KSR2: variants seen among roughly 807,000 people sequenced by gnomAD.
The protein encoded by KSR2 is kinase suppressor of ras 2.
A neutral mutation model predicts 107.8 loss-of-function variants in KSR2; 25 were observed. The ratio of observed to expected loss-of-function variants is 0.23; its 90% CI spans 0.17 to 0.32. The LOEUF (loss-of-function observed/expected upper bound fraction) is 0.32. Among genes scored for constraint, KSR2 ranks in the 10% least tolerant of loss-of-function variants. KSR2 has a pLI of 1.00. For synonymous variants in KSR2, 480 were observed against 507.0 expected (o/e 0.95, Z 0.71); for missense variants, 887 against 1,268.9 (o/e 0.70, Z 4.57).
intron 13 of KSR2, among the ~76,000 whole-genome samples, chr12:117,526,795 G>T (rs141164818): frequency 6.6e-6 from 1 of 152,160 alleles, no homozygotes; most frequent in Non-Finnish European, 1.5e-5. Context: ...GTATTCACCC[G>T]GCCCTGAGCT....
intron 14 of KSR2, among the ~76,000 whole-genome samples, chr12:117,487,951 C>G (rs1039602054): frequency 1.3e-5 from 2 of 152,182 alleles, no homozygotes; most frequent in Admixed American, 1.3e-4. Context: ...CCACCCAAAT[C>G]TCACCTTGAA....
At position 117,858,155 on chromosome 12, in the gene KSR2, A is replaced by C. The variant is rs553167860; in HGVS notation, c.321+2136T>G. 1.4e-3 allele frequency among the ~76,000 whole-genome samples: 212 copies of C among 152,306 alleles called. 1 individual carries two copies. The highest frequency in any genetic ancestry group is 5.0e-3 in the African/African-American group (207 of 41,566). On this transcript the variant is annotated intron_variant, in intron 2 of 19. Transcript: ENST00000339824. ...AAAATAAATGTCCTGACATCATATT[A>C]ACCAAACAACAACAACATGTCTGCA...
chr12:117,746,009 A>T (rs1888393194), intron 4 of KSR2, among the ~76,000 whole-genome samples: 1 of 152,210 alleles, frequency 6.6e-6, no homozygotes, highest in African/African-American at 2.4e-5. Flanking sequence ...TTACTGCCCA[A>T]AGTAATTTAT....
Position 117,761,503 on chromosome 12 carries a change from T to C in KSR2, c.494A>G (p.Asp165Gly). The change falls in exon 4 of 20, where the codon GAC becomes GGC. Residue 165 changes from aspartate to glycine, a missense_variant. Physicochemically the swap from Asp to Gly is moderately conservative, Grantham distance 94. Transcript: ENST00000339824. ...HMSGGNLSKQ[D>G]WTIQWPTTET... ...TGTCGTGGGCCACTGGATGGTCCAG[T>C]CTTGTTTGGAAAGGTTGCCTCCTGA... is the stretch of plus-strand genomic sequence containing the variant. The C allele has an allele frequency of 6.2e-7, 1 of 1,613,480 alleles. No homozygotes were observed. Among genetic ancestry groups the C allele is most frequent in the South Asian group, 1.1e-5 (1 of 91,072 alleles).
At chr12:117,789,120 AG>A (rs1363278696) in intron 3 of KSR2, among the ~76,000 whole-genome samples, 2 of 152,232 alleles carry the variant, frequency 1.3e-5, no homozygotes, top group East Asian at 3.8e-4. Flanking sequence ...AAGAACGTTC[AG>A]GGTTTGAAAA....
intron 3 of KSR2, among the ~76,000 whole-genome samples, chr12:117,805,432 G>A (rs954901455): frequency 2.0e-5 from 3 of 152,156 alleles, no homozygotes; most frequent in Admixed American, 6.5e-5. Context: ...GCCTGCCTCT[G>A]AGCCTCAGTT....
intron 5 of KSR2, among the ~76,000 whole-genome samples, chr12:117,583,979 A>T (rs1879847800): frequency 6.6e-6 from 1 of 152,170 alleles, no homozygotes; most frequent in Non-Finnish European, 1.5e-5. Flanking sequence ...CAGAGCATTT[A>T]ACCCCCAACC....
intron 3 of KSR2, among the ~76,000 whole-genome samples, chr12:117,844,093 G>C (rs1892608205): frequency 6.6e-6 from 1 of 152,086 alleles, no homozygotes; most frequent in Non-Finnish European, 1.5e-5. Context: ...TACTGTTCCA[G>C]AACTAGCAGC....
chr12:117,914,181 T>C (rs1593364654), intron 1 of KSR2, among the ~76,000 whole-genome samples: 1 of 152,074 alleles, frequency 6.6e-6, no homozygotes, highest in Non-Finnish European at 1.5e-5. Flanking sequence ...GTAATCCCAC[T>C]ACTTTGTGGG....
At chr12:117,766,911 T>G (rs908765939) in intron 3 of KSR2, among the ~76,000 whole-genome samples, 1 of 150,942 alleles carries the variant, frequency 6.6e-6, no homozygotes, top group Non-Finnish European at 1.5e-5. Flanking sequence ...TGAGACAGAG[T>G]CTTGCTCTGT....
chr12:117,847,980 G>A (rs533566855), intron 3 of KSR2, among the ~76,000 whole-genome samples: 1 of 152,172 alleles, frequency 6.6e-6, no homozygotes, highest in African/African-American at 2.4e-5. Flanking sequence ...AGGAGGGAAG[G>A]GTAGAAAAGA....
intron 5 of KSR2, among the ~76,000 whole-genome samples, chr12:117,665,934 C>T (rs1310112996): frequency 6.6e-6 from 1 of 152,234 alleles, no homozygotes; most frequent in Non-Finnish European, 1.5e-5. Context: ...CACTATCACG[C>T]TTTTCTTCAT....
Position 117,476,511 on chromosome 12 carries a change from C to T in KSR2, c.2535G>A (p.Glu845=). The change falls in exon 17 of 20, where the codon GAG becomes GAA. Residue 845 remains glutamate (E), a synonymous_variant. Transcript: ENST00000339824. ...EIIRQLSPDT[E]EDKLPFSKHS... ...GCTTGGAGAAGGGGAGCTTATCCTC[C>T]TCTGTGTCGGGGGACAGCTGGCGGA... The T allele has an allele frequency of 6.2e-7, 1 of 1,608,200 alleles. No individual in the cohort carries two copies. The highest frequency in any genetic ancestry group is 8.5e-7 in the Non-Finnish European group (1 of 1,177,514).
chr12:117,614,499 T>C (rs1275267437), intron 5 of KSR2, among the ~76,000 whole-genome samples: 2 of 152,214 alleles, frequency 1.3e-5, no homozygotes, highest in East Asian at 1.9e-4. Flanking sequence ...CATATCTCCC[T>C]GGGTGGGCTG....
chr12:117,759,672 G>A (rs1164310425), intron 4 of KSR2, among the ~76,000 whole-genome samples: 6 of 152,132 alleles, frequency 3.9e-5, no homozygotes, highest in Non-Finnish European at 7.4e-5. Context: ...GGCATCCACC[G>A]TTCTACTTTC....
At chr12:117,657,475 T>C (rs562369287) in intron 5 of KSR2, among the ~76,000 whole-genome samples, 2 of 152,216 alleles carry the variant, frequency 1.3e-5, no homozygotes, top group African/African-American at 4.8e-5. Context: ...TAACCAACCA[T>C]GAATCCCAAT....
At chr12:117,600,840 AGAT>A (rs1565920158) in intron 5 of KSR2, among the ~76,000 whole-genome samples, 1 of 152,004 alleles carries the variant, frequency 6.6e-6, no homozygotes, top group Non-Finnish European at 1.5e-5. Flanking sequence ...GGCAGGCAAA[AGAT>A]GTTCTCTGTA....
At chr12:117,568,075 G>A (rs1045162836) in intron 7 of KSR2, among the ~76,000 whole-genome samples, 6 of 152,092 alleles carry the variant, frequency 3.9e-5, no homozygotes, top group Non-Finnish European at 8.8e-5. Context: ...ATCAGACCTC[G>A]GGTTCCAAGG....
rs139021898 is a variant in KSR2 at position 117,630,871 on chromosome 12, C to T, written c.1171+36603G>A. 3.9e-5 allele frequency among the ~76,000 whole-genome samples: 6 copies of T among 152,152 alleles called. No homozygotes were observed. The East Asian group carries it at 7.7e-4, about 20-fold the overall frequency. On this transcript the variant is annotated intron_variant, in intron 5 of 19. Transcript: ENST00000339824. ...TTACATCTTCTGCAAAAAGCAGGAA[C>T]CCTGCTGATAAAGGACAATGGTACT...
Sources: allele counts gnomAD v4.1 joint callset (sites outside exome capture counted in the v4.1 genomes callset), GRCh38; gene constraint gnomAD v4.1.1; transcripts MANE v1.5; gene names NCBI Gene and HGNC (gene_info 2026-07-23, HGNC 2026-07-21).